GALNT14: variants seen among roughly 807,000 people sequenced by gnomAD.
GALNT14 encodes UDP-GalNAc:polypeptide N-acetylgalactosaminyltransferase 14.
A neutral mutation model predicts 77.5 loss-of-function variants in GALNT14; 60 were observed. That is an observed-to-expected ratio of 0.77 (90% CI 0.63 to 0.96). The LOEUF is 0.96. GALNT14 is among the 40% of genes least tolerant of loss of function. GALNT14 has a pLI of 0.00. For synonymous variants in GALNT14, 280 were observed against 281.7 expected (o/e 0.99, Z 0.06); for missense variants, 710 against 731.0 (o/e 0.97, Z 0.33).
chr2:31,062,141 AC>A (rs1234691690), intron 1 of GALNT14, among the ~76,000 whole-genome samples: 1 of 152,068 alleles, frequency 6.6e-6, no homozygotes, highest in Non-Finnish European at 1.5e-5. Context: ...GGTTTGCTGC[AC>A]CTATTAACCC....
intron 6 of GALNT14, among the ~76,000 whole-genome samples, chr2:30,954,306 A>G (rs1667223321): frequency 6.6e-6 from 1 of 152,202 alleles, no homozygotes; most frequent in South Asian, 2.1e-4. Context: ...TTCCCAATCC[A>G]GACCTCTTTG....
At chr2:31,074,432 A>C (rs1675626040) in intron 1 of GALNT14, among the ~76,000 whole-genome samples, 1 of 151,212 alleles carries the variant, frequency 6.6e-6, no homozygotes, top group African/African-American at 2.4e-5. Flanking sequence ...TAAAACCACC[A>C]CTGTTTTTTA....
At chr2:31,051,257 C>T (rs1673848302) in intron 1 of GALNT14, among the ~76,000 whole-genome samples, 1 of 152,218 alleles carries the variant, frequency 6.6e-6, no homozygotes. Flanking sequence ...GGCTAGGCTG[C>T]AGTGCGCAGT....
intron 1 of GALNT14, among the ~76,000 whole-genome samples, chr2:31,023,637 T>C (rs1671867309): frequency 2.6e-5 from 4 of 152,270 alleles, no homozygotes; most frequent in Middle Eastern, 3.4e-3. Context: ...AGAATCATCA[T>C]GACTTGCACA....
intron 1 of GALNT14, among the ~76,000 whole-genome samples, chr2:31,123,710 C>T (rs113970391): frequency 0.01 from 1,560 of 152,230 alleles, 24 homozygotes; most frequent in African/African-American, 0.035. Context: ...TCTGAGCTAA[C>T]GGAAGAGTGA....
intron 1 of GALNT14, among the ~76,000 whole-genome samples, chr2:31,039,879 T>C (rs908233737): frequency 6.6e-6 from 1 of 152,156 alleles, no homozygotes; most frequent in Admixed American, 6.5e-5. Flanking sequence ...AAACTTCACA[T>C]GAGAAATGTA....
intron 1 of GALNT14, among the ~76,000 whole-genome samples, chr2:31,034,375 C>T (rs764288195): frequency 1.3e-5 from 2 of 152,146 alleles, no homozygotes; most frequent in Non-Finnish European, 2.9e-5. Context: ...TATTTTGTTT[C>T]TCTTTCAGGA....
intron 1 of GALNT14, among the ~76,000 whole-genome samples, chr2:31,112,491 C>A (rs562995058): frequency 5.9e-5 from 9 of 152,312 alleles, no homozygotes; most frequent in Non-Finnish European, 8.8e-5. Flanking sequence ...GTATGAAACA[C>A]ATGCTAAAAA....
chr2:31,096,702 C>T lies in GALNT14; in HGVS notation c.129+41256G>A, dbSNP rs112997543. Among the ~76,000 whole-genome samples, 1,110 of 152,246 alleles carry T rather than the reference C, an allele frequency of 7.3e-3. 19 individuals carry two copies. The highest frequency in any genetic ancestry group is 0.026 in the African/African-American group (1,070 of 41,544). ...ACCACACAATTAAAACATCACAGTCCTGGTTTAATATTGGAGTCTTCTGAT... is the reference window on the plus strand; with the variant it reads ...ACCACACAATTAAAACATCACAGTCTTGGTTTAATATTGGAGTCTTCTGAT... On this transcript the variant is annotated intron_variant, in intron 1 of 14. Transcript: ENST00000349752.
intron 1 of GALNT14, among the ~76,000 whole-genome samples, chr2:31,081,424 A>G (rs1034574737): frequency 6.6e-6 from 1 of 152,250 alleles, no homozygotes; most frequent in Non-Finnish European, 1.5e-5. Flanking sequence ...CTTTTCTAAC[A>G]TAAAAATAAG....
chr2:30,906,253 A>T (rs537332099), downstream of GALNT14, among the ~76,000 whole-genome samples: 1 of 151,748 alleles, frequency 6.6e-6, no homozygotes, highest in South Asian at 2.1e-4. Context: ...TCCAATTAAA[A>T]GACACAGACT....
At chr2:31,036,505 T>C (rs1021499761) in intron 1 of GALNT14, among the ~76,000 whole-genome samples, 1 of 152,222 alleles carries the variant, frequency 6.6e-6, no homozygotes, top group Non-Finnish European at 1.5e-5. Flanking sequence ...TTGCTTTATG[T>C]GGCTGTCTTT....
At chr2:31,060,728 G>A (rs1022479734) in intron 1 of GALNT14, among the ~76,000 whole-genome samples, 1 of 152,156 alleles carries the variant, frequency 6.6e-6, no homozygotes, top group African/African-American at 2.4e-5. Flanking sequence ...GGTGCTTGGG[G>A]CCCAGCAGGT....
At chr2:31,035,553 ATGTG>A (rs573163116) in intron 1 of GALNT14, among the ~76,000 whole-genome samples, 2 of 129,438 alleles carry the variant, frequency 1.5e-5, no homozygotes, top group African/African-American at 6.1e-5. Context: ...GATAAAGAAA[ATGTG>A]TGTGTGTGTG....
intron 1 of GALNT14, among the ~76,000 whole-genome samples, chr2:31,049,180 G>T: frequency 6.6e-6 from 1 of 152,154 alleles, no homozygotes; most frequent in East Asian, 1.9e-4. Context: ...TACAGATGTG[G>T]CCTCTGTCTG....
Position 31,075,386 on chromosome 2 carries a change from G to A in GALNT14, c.129+62572C>T, listed in dbSNP as rs145534958. 2.5e-3 allele frequency among the ~76,000 whole-genome samples: 381 copies of A among 152,326 alleles called. 1 individual carries two copies. The highest frequency in any genetic ancestry group is 0.024 in the Middle Eastern group (7 of 294). Reference sequence around the variant, plus strand: ...TAGCACACATCTTTCATATGCAAATGTGTCTCCTGCATCTTTGAGCCTCCA... The same window carrying A: ...TAGCACACATCTTTCATATGCAAATATGTCTCCTGCATCTTTGAGCCTCCA... On this transcript the variant is annotated intron_variant, in intron 1 of 14. Transcript: ENST00000349752.
At chr2:31,029,021 A>G (rs891393410) in intron 1 of GALNT14, among the ~76,000 whole-genome samples, 9 of 152,174 alleles carry the variant, frequency 5.9e-5, no homozygotes, top group African/African-American at 9.7e-5. Flanking sequence ...CCTATGCTCA[A>G]TTCTCTGGGG....
At chr2:30,892,744 T>G in the GALNT14 span, among the ~76,000 whole-genome samples, 2 of 152,228 alleles carry the variant, frequency 1.3e-5, no homozygotes, top group African/African-American at 4.8e-5. Context: ...GTTAGGGGAA[T>G]CTGTACAAAC....
chr2:30,992,774 G>A, intron 2 of GALNT14, 64 bp downstream of exon 2: 1 of 1,557,540 alleles, frequency 6.4e-7, no homozygotes, highest in Non-Finnish European at 8.8e-7. Flanking sequence ...GCAGGCCCCA[G>A]ATCAAGCCTG....
Sources: gnomAD v4.1 joint callset for allele counts (sites outside exome capture counted in the v4.1 genomes callset) on GRCh38, gnomAD v4.1.1 for gene constraint, MANE v1.5 for transcripts, NCBI Gene and HGNC (gene_info 2026-07-23, HGNC 2026-07-21) for gene names.